Variants in TRABD2B observed in about 807,000 individuals in gnomAD.
TRABD2B encodes TraB domain containing 2B.
TRABD2B carries 14 observed loss-of-function variants against 40.1 expected under a neutral mutation model. The observed-to-expected ratio is 0.35, with a 90% CI of 0.23 to 0.55. The LOEUF is 0.55. TRABD2B is among the 20% of genes least tolerant of loss of function. The pLI is 0.90. For missense variants in TRABD2B, 541 were observed against 648.6 expected, an observed-to-expected ratio of 0.83 and a Z score of 1.80; for synonymous variants, 263 against 277.0, an observed-to-expected ratio of 0.95 and a Z score of 0.50.
intron 2 of TRABD2B, chr1:47,818,868 T>TGC (rs1263487681): frequency 2.0e-5 from 3 of 152,264 alleles, no homozygotes; most frequent in Non-Finnish European, 4.4e-5. Flanking sequence ...GTGGCTCCGA[T>TGC]GCCTTTGACG....
Position 47,996,738 on chromosome 1 carries a change from G to T in TRABD2B, c.52C>A (p.Arg18Ser). 8.2e-7 allele frequency: 1 copy of T among 1,225,794 alleles called. No homozygotes were observed. 75.9% of individuals were successfully genotyped at this position (1,225,794 alleles called of 1,614,324 possible). Reference protein sequence around the residue: ...PLLAALLATARARPQPPDGGQ... With the variant: ...PLLAALLATASARPQPPDGGQ... ...CCGTCCGGGGGCTGCGGGCGGGCGC[G>T]AGCGGTGGCGAGGAGGGCGGCGAGC... The change falls in exon 1 of 7, where the codon CGC (arginine) becomes AGC (serine). Residue 18 changes from arginine to serine, a missense_variant. Arg to Ser is a moderately radical substitution (Grantham distance 110). This residue lies in a region of TRABD2B where 369 missense variants were observed against 492.8 expected (regional missense o/e 0.75). Coordinates refer to ENST00000606738, the MANE Select transcript of TRABD2B (RefSeq NM_001194986.2). This position sits in a 1 kb window ranked among gnomAD's most constrained non-coding sequence, Gnocchi z 4.6.
chr1:47,815,676 A>G (rs1645020720), intron 2 of TRABD2B, among the ~76,000 whole-genome samples: 1 of 152,136 alleles, frequency 6.6e-6, no homozygotes, highest in South Asian at 2.1e-4. Context: ...TGCAACCGGG[A>G]AGCACAGCTG....
intron 2 of TRABD2B, among the ~76,000 whole-genome samples, chr1:47,909,537 GAGA>G (rs1339476392): frequency 7.4e-6 from 1 of 134,518 alleles, no homozygotes; most frequent in Non-Finnish European, 1.6e-5. Context: ...GGAGAAGGAG[GAGA>G]AGGAGGAGAA....
In TRABD2B at chr1:47,762,828, G is replaced by A. The variant is rs1644258043; in HGVS notation, c.*3074C>T. ...CAGACCCACCACTGGAGGAAGACCT[G>A]GGGACATGGCCATTCCAACATGCCC... On this transcript the variant is annotated 3_prime_UTR_variant, in exon 7 of 7. Coordinates refer to ENST00000606738, the MANE Select transcript of TRABD2B (RefSeq NM_001194986.2). 6.6e-6 allele frequency: 1 copy of A among 152,132 alleles called. No homozygotes were observed. Among genetic ancestry groups the A allele is most frequent in the Admixed American group, 6.5e-5 (1 of 15,274 alleles). The allele number at this position is 152,132 out of a possible 1,614,324, so 9.4% of individuals were successfully genotyped here.
chr1:47,775,802 G>A (rs779623530), intron 5 of TRABD2B, among the ~76,000 whole-genome samples: 3 of 152,254 alleles, frequency 2.0e-5, no homozygotes, highest in Middle Eastern at 3.4e-3. Flanking sequence ...GCTAACTGCC[G>A]AGGAGCAAAT....
At chr1:47,950,403 T>C (rs1359628875) in intron 2 of TRABD2B, among the ~76,000 whole-genome samples, 1 of 152,154 alleles carries the variant, frequency 6.6e-6, no homozygotes, top group Non-Finnish European at 1.5e-5. Flanking sequence ...ACCAGCCACA[T>C]ACACACATCA....
At chr1:47,939,136 C>G (rs981080392) in intron 2 of TRABD2B, among the ~76,000 whole-genome samples, 3 of 151,898 alleles carry the variant, frequency 2.0e-5, no homozygotes, top group African/African-American at 7.3e-5. Context: ...AATGCCAACC[C>G]CCCCACCCCC....
chr1:47,903,414 G>A (rs1489776977), intron 2 of TRABD2B, among the ~76,000 whole-genome samples: 1 of 149,596 alleles, frequency 6.7e-6, no homozygotes, highest in African/African-American at 2.5e-5. Flanking sequence ...AGATCTCGCT[G>A]TGACATAGTG....
chr1:47,795,781 C>T (rs1644740131), intron 3 of TRABD2B: 17 of 844,382 alleles, frequency 2.0e-5, no homozygotes, highest in Non-Finnish European at 2.4e-5. Context: ...CACCACTTTC[C>T]AGGACATAAT....
intron 4 of TRABD2B, among the ~76,000 whole-genome samples, chr1:47,786,047 C>T (rs2406332): frequency 0.026 from 3,986 of 152,256 alleles, 183 homozygotes; most frequent in African/African-American, 0.09. Flanking sequence ...GGCCAGGGAC[C>T]CTGAAATAAT....
chr1:47,770,446 C>A (rs189487140), intron 6 of TRABD2B, among the ~76,000 whole-genome samples: 15 of 152,366 alleles, frequency 9.8e-5, no homozygotes, highest in African/African-American at 3.4e-4. Flanking sequence ...TTTGCTCAGC[C>A]TCACTGGGCC....
chr1:47,965,748 GTCTC>G (rs1450754606), intron 2 of TRABD2B, among the ~76,000 whole-genome samples: 1 of 152,112 alleles, frequency 6.6e-6, no homozygotes, highest in Non-Finnish European at 1.5e-5. Context: ...TCTATGTTGA[GTCTC>G]TTCTACTTCT....
chr1:47,771,466 A>G (rs889120894), intron 6 of TRABD2B, among the ~76,000 whole-genome samples: 3 of 152,028 alleles, frequency 2.0e-5, no homozygotes, highest in Non-Finnish European at 4.4e-5. Flanking sequence ...AGGACTTCCA[A>G]TCTAGATGGC....
At chr1:47,778,942 C>T (rs1644484440) in intron 4 of TRABD2B, among the ~76,000 whole-genome samples, 3 of 152,234 alleles carry the variant, frequency 2.0e-5, no homozygotes, top group South Asian at 4.1e-4. Flanking sequence ...ACAGTCCAGG[C>T]TGGGACAGCC....
At chr1:47,846,556 G>A (rs1343432708) in intron 2 of TRABD2B, among the ~76,000 whole-genome samples, 1 of 152,210 alleles carries the variant, frequency 6.6e-6, no homozygotes, top group Non-Finnish European at 1.5e-5. Context: ...GAGGTGCTGG[G>A]GAGGTTGAGT....
At chr1:47,970,632 T>A (rs1380515077) in intron 2 of TRABD2B, among the ~76,000 whole-genome samples, 1 of 152,210 alleles carries the variant, frequency 6.6e-6, no homozygotes, top group Non-Finnish European at 1.5e-5. Flanking sequence ...GCAATAATCA[T>A]TTATTTTCAC....
chr1:47,973,430 C>A (rs1290842145), intron 2 of TRABD2B, among the ~76,000 whole-genome samples: 1 of 152,170 alleles, frequency 6.6e-6, no homozygotes, highest in African/African-American at 2.4e-5. Flanking sequence ...CCGAAGATGC[C>A]ACTAACAATG....
At chr1:47,803,614 A>T (rs1270469594) in intron 2 of TRABD2B, among the ~76,000 whole-genome samples, 1 of 152,206 alleles carries the variant, frequency 6.6e-6, no homozygotes, top group Non-Finnish European at 1.5e-5. Flanking sequence ...GTTACACAGC[A>T]TAGTTGTGGT....
At chr1:47,834,660 T>G (rs1174870318) in intron 2 of TRABD2B, among the ~76,000 whole-genome samples, 2 of 152,170 alleles carry the variant, frequency 1.3e-5, no homozygotes, top group Non-Finnish European at 2.9e-5. Flanking sequence ...AGTAAATCTC[T>G]GTCTAATCAT....
Sources: gnomAD v4.1 joint callset for allele counts (sites outside exome capture counted in the v4.1 genomes callset) on GRCh38, gnomAD v4.1.1 for gene constraint, gnomAD v4.1.1 regional missense constraint, Gnocchi (gnomAD v3.1) non-coding constraint, MANE v1.5 for transcripts, NCBI Gene and HGNC (gene_info 2026-07-23, HGNC 2026-07-21) for gene names.